TAB2: variants seen among roughly 807,000 people sequenced by gnomAD.
The protein encoded by TAB2 is TGF-beta activated kinase 1 (MAP3K7) binding protein 2.
Under a neutral mutation model 65.0 loss-of-function variants are expected in TAB2, and 3 were observed. The observed-to-expected ratio is 0.05, with a 90% CI of 0.02 to 0.12. The LOEUF (loss-of-function observed/expected upper bound fraction) is 0.12, where lower values mean the gene tolerates loss of function less well. Among genes scored for constraint, TAB2 ranks in the 10% least tolerant of loss-of-function variants. The probability of loss-of-function intolerance (pLI) is 1.00; values close to 1 mark genes in which losing one functional copy is unlikely to be tolerated. For synonymous variants in TAB2, 298 were observed against 285.1 expected (o/e 1.05, Z -0.46); for missense variants, 623 against 840.3 (o/e 0.74, Z 3.20).
At chr6:149,290,879 A>G (rs1487279985) in intron 1 of TAB2, among the ~76,000 whole-genome samples, 2 of 152,230 alleles carry the variant, frequency 1.3e-5, no homozygotes, top group African/African-American at 2.4e-5. Flanking sequence ...AGAAGAGTAT[A>G]TAGTATTTAG....
intron 1 of TAB2, among the ~76,000 whole-genome samples, chr6:149,325,119 A>G (rs1319139181): frequency 2.6e-5 from 4 of 152,146 alleles, no homozygotes; most frequent in Non-Finnish European, 4.4e-5. Flanking sequence ...TTGGGAGTCA[A>G]TGAAGTATAA....
At chr6:149,243,992 C>G (rs1374251203) in intron 1 of TAB2, 1 of 152,216 alleles carries the variant, frequency 6.6e-6, no homozygotes, top group Non-Finnish European at 1.5e-5. Flanking sequence ...AAGACTCTTC[C>G]AGTGGGCAAC....
chr6:149,368,008 A>G (rs984564710), intron 1 of TAB2, among the ~76,000 whole-genome samples: 1 of 152,188 alleles, frequency 6.6e-6, no homozygotes, highest in Non-Finnish European at 1.5e-5. Context: ...GCACCAGTAT[A>G]TAGATATTAT....
intron 1 of TAB2, among the ~76,000 whole-genome samples, chr6:149,361,788 A>G (rs145473594): frequency 1.3e-5 from 2 of 152,364 alleles, no homozygotes; most frequent in African/African-American, 2.4e-5. Flanking sequence ...ACATCTGAGT[A>G]TAGGTTGTTA....
At chr6:149,371,697 G>A (rs918388728) in intron 2 of TAB2, among the ~76,000 whole-genome samples, 4 of 152,046 alleles carry the variant, frequency 2.6e-5, no homozygotes, top group African/African-American at 9.7e-5. Context: ...AACCAGTAGG[G>A]TAACTGATTC....
At chr6:149,262,348 C>G (rs937637289) in intron 1 of TAB2, among the ~76,000 whole-genome samples, 2 of 152,136 alleles carry the variant, frequency 1.3e-5, no homozygotes, top group Non-Finnish European at 2.9e-5. Context: ...GCCTGGCCAA[C>G]ATGGTGAAAC....
intron 1 of TAB2, among the ~76,000 whole-genome samples, chr6:149,347,590 T>G (rs1428487402): frequency 6.6e-6 from 1 of 152,168 alleles, no homozygotes; most frequent in Admixed American, 6.5e-5. Context: ...TATAAATGTT[T>G]TGTGATAAAG....
At chr6:149,382,823 A>G (rs1781658815) in intron 3 of TAB2, among the ~76,000 whole-genome samples, 1 of 152,132 alleles carries the variant, frequency 6.6e-6, no homozygotes, top group Non-Finnish European at 1.5e-5. Flanking sequence ...AGGCAACCAT[A>G]GGGAAAGATA....
At chr6:149,232,176 C>G (rs998641201) in intron 1 of TAB2, among the ~76,000 whole-genome samples, 2 of 151,894 alleles carry the variant, frequency 1.3e-5, no homozygotes, top group Non-Finnish European at 2.9e-5. Context: ...GGGAAGAGCA[C>G]GAGGCCAGGC....
chr6:149,268,864 G>T (rs758736993), intron 1 of TAB2, among the ~76,000 whole-genome samples: 2 of 152,128 alleles, frequency 1.3e-5, no homozygotes, highest in Admixed American at 1.3e-4. Context: ...TACAGTAGTT[G>T]TTTCCAATTC....
chr6:149,376,736 G>A (rs574157398), intron 2 of TAB2, among the ~76,000 whole-genome samples: 1 of 152,116 alleles, frequency 6.6e-6, no homozygotes, highest in South Asian at 2.1e-4. Context: ...TCCCTTTCTA[G>A]GGGAAAAGTT....
intron 1 of TAB2, among the ~76,000 whole-genome samples, chr6:149,327,447 G>A (rs1407481557): frequency 1.3e-5 from 2 of 152,152 alleles, no homozygotes; most frequent in Admixed American, 1.3e-4. Flanking sequence ...ACTACGTATG[G>A]CATGCCACTG....
intron 1 of TAB2, among the ~76,000 whole-genome samples, chr6:149,235,192 G>A (rs982645508): frequency 1.3e-5 from 2 of 152,238 alleles, no homozygotes; most frequent in Admixed American, 6.5e-5. Context: ...GGAAACATCT[G>A]ACCATAATCT....
chr6:149,339,600 TATTTA>T (rs1562422761), intron 1 of TAB2, among the ~76,000 whole-genome samples: 5 of 53,856 alleles, frequency 9.3e-5, no homozygotes, highest in Admixed American at 2.1e-4. Context: ...TTTATTTATT[TATTTA>T]TTTTTTTTTT....
At chr6:149,299,323 G>A (rs997798054) in intron 1 of TAB2, among the ~76,000 whole-genome samples, 16 of 152,170 alleles carry the variant, frequency 1.1e-4, no homozygotes, top group African/African-American at 2.9e-4. Context: ...CGTAATCCCA[G>A]CACTTTGGGA....
upstream of TAB2, among the ~76,000 whole-genome samples, chr6:149,317,167 T>C (rs1779275635): frequency 6.6e-6 from 1 of 151,708 alleles, no homozygotes; most frequent in African/African-American, 2.4e-5. The surrounding 1 kb of genome is among the most constrained non-coding windows in gnomAD (Gnocchi z 4.7). Flanking sequence ...GTTCCTTTCT[T>C]CCCTCAGCCC....
At chr6:149,363,391 G>T (rs186545214) in intron 1 of TAB2, among the ~76,000 whole-genome samples, 41 of 152,320 alleles carry the variant, frequency 2.7e-4, no homozygotes, top group African/African-American at 9.6e-4. Context: ...TACCTCTACA[G>T]AGTAGGAATC....
At chr6:149,356,829 A>G (rs1780669007) in intron 1 of TAB2, among the ~76,000 whole-genome samples, 1 of 152,068 alleles carries the variant, frequency 6.6e-6, no homozygotes, top group Admixed American at 6.6e-5. Context: ...GGAATTTAGG[A>G]TTTTGTTTTT....
At chr6:149,285,001 A>C (rs1321890070) in intron 1 of TAB2, among the ~76,000 whole-genome samples, 1 of 152,100 alleles carries the variant, frequency 6.6e-6, no homozygotes, top group Non-Finnish European at 1.5e-5. Context: ...GCTGTTTTGG[A>C]ATCTGGGGCA....
Sources: gnomAD v4.1 joint callset for allele counts (sites outside exome capture counted in the v4.1 genomes callset) on GRCh38, gnomAD v4.1.1 for gene constraint, Gnocchi (gnomAD v3.1) non-coding constraint, MANE v1.5 for transcripts, NCBI Gene and HGNC (gene_info 2026-07-23, HGNC 2026-07-21) for gene names.